Variants in ZC3H12B observed in about 807,000 individuals in gnomAD.
ZC3H12B encodes the protein zinc finger CCCH-type containing 12B.
ZC3H12B carries 7 observed loss-of-function variants against 43.9 expected under a neutral mutation model. The ratio of observed to expected loss-of-function variants is 0.16; its 90% CI spans 0.09 to 0.30. The LOEUF is 0.30. ZC3H12B is among the 10% of genes least tolerant of loss of function. ZC3H12B has a pLI of 1.00. For missense variants in ZC3H12B, 475 were observed against 670.2 expected, an observed-to-expected ratio of 0.71 and a Z score of 3.22; for synonymous variants, 222 against 241.7, an observed-to-expected ratio of 0.92 and a Z score of 0.76.
the ZC3H12B span, among the ~76,000 whole-genome samples, chrX:65,277,099 A>G: frequency 2.7e-5 from 3 of 112,091 alleles, no homozygotes; most frequent in African/African-American, 9.7e-5. Flanking sequence ...ATTTATGTCA[A>G]GAAGATTTAA....
the ZC3H12B span, among the ~76,000 whole-genome samples, chrX:65,164,586 T>G: frequency 3.6e-5 from 4 of 111,896 alleles, no homozygotes; most frequent in South Asian, 1.5e-3. Flanking sequence ...TGTTTCAAAG[T>G]TGAACAAATT....
At chrX:65,413,275 G>A (rs1202609753) in intron 3 of ZC3H12B, among the ~76,000 whole-genome samples, 1 of 111,522 alleles carries the variant, frequency 9.0e-6, no homozygotes, top group Non-Finnish European at 1.9e-5. Context: ...GATCATGTTC[G>A]TTAAAGTACA....
chrX:65,219,180 T>A, the ZC3H12B span, among the ~76,000 whole-genome samples: 5 of 111,696 alleles, frequency 4.5e-5, no homozygotes, highest in Non-Finnish European at 9.4e-5. Flanking sequence ...CAGTAGCACT[T>A]GAGCCCCAGA....
the ZC3H12B span, among the ~76,000 whole-genome samples, chrX:65,200,765 A>G: frequency 9.1e-6 from 1 of 109,855 alleles, no homozygotes; most frequent in African/African-American, 3.3e-5. Context: ...GCTGTGCAGA[A>G]GCTCTTTCAT....
At chrX:65,071,364 A>G in the ZC3H12B span, among the ~76,000 whole-genome samples, 1 of 101,505 alleles carries the variant, frequency 9.9e-6, no homozygotes, top group African/African-American at 3.7e-5. Flanking sequence ...TGTATGGAAG[A>G]TGGGTCTCTT....
the ZC3H12B span, among the ~76,000 whole-genome samples, chrX:65,131,503 A>C: frequency 7.2e-5 from 8 of 111,197 alleles, no homozygotes; most frequent in Non-Finnish European, 1.5e-4. Flanking sequence ...GGTTGGGATG[A>C]GTTAGGGAGA....
chrX:65,349,245 A>G, the ZC3H12B span, among the ~76,000 whole-genome samples: 2 of 112,210 alleles, frequency 1.8e-5, no homozygotes, highest in Non-Finnish European at 3.8e-5. Flanking sequence ...TGGAAACTGA[A>G]CAACCTGCTG....
At chrX:65,271,258 C>T in the ZC3H12B span, 2 of 112,044 alleles carry the variant, frequency 1.8e-5, no homozygotes, top group African/African-American at 6.5e-5. Flanking sequence ...TTCATCTAGC[C>T]ATCATCTCTG....
At chrX:65,084,443 A>T in the ZC3H12B span, among the ~76,000 whole-genome samples, 1 of 112,236 alleles carries the variant, frequency 8.9e-6, no homozygotes, top group African/African-American at 3.2e-5. Flanking sequence ...AAAAATGGGC[A>T]AAATATTTTA....
At chrX:65,331,847 C>G in the ZC3H12B span, among the ~76,000 whole-genome samples, 1 of 111,329 alleles carries the variant, frequency 9.0e-6, no homozygotes, top group Non-Finnish European at 1.9e-5. Context: ...TAAACTGTTA[C>G]AGCATTGGTG....
intron 3 of ZC3H12B, among the ~76,000 whole-genome samples, chrX:65,428,198 CCTTTCATTTCAACCTTGGAAA>C: frequency 8.9e-6 from 1 of 111,734 alleles, no homozygotes; most frequent in South Asian, 3.8e-4. Context: ...TAACAGTTTT[CCTTTCATTTCAACCTTGGAAA>C]ATCTGACAAT....
At chrX:65,354,647 G>A in the ZC3H12B span, among the ~76,000 whole-genome samples, 1 of 111,511 alleles carries the variant, frequency 9.0e-6, no homozygotes, top group African/African-American at 3.3e-5. Context: ...CAGAAGATGG[G>A]TAATAACAAA....
chrX:65,228,632 A>T, the ZC3H12B span, among the ~76,000 whole-genome samples: 9 of 111,599 alleles, frequency 8.1e-5, no homozygotes, highest in East Asian at 2.8e-4. Context: ...TATCTAGAAA[A>T]CCCGATTGTC....
chrX:65,198,518 C>G, the ZC3H12B span, among the ~76,000 whole-genome samples: 13 of 111,853 alleles, frequency 1.2e-4, no homozygotes, highest in African/African-American at 4.2e-4. Context: ...ATATACTATT[C>G]TGAGATAAAA....
upstream of ZC3H12B, chrX:65,488,590 A>G (rs746645110): frequency 2.9e-6 from 1 of 342,818 alleles, no homozygotes; most frequent in Non-Finnish European, 4.7e-6. Context: ...TCTGTATTCT[A>G]AAATGCTTTT....
the ZC3H12B span, among the ~76,000 whole-genome samples, chrX:65,332,753 G>C: frequency 9.0e-6 from 1 of 111,357 alleles, no homozygotes; most frequent in Non-Finnish European, 1.9e-5. Flanking sequence ...TTTGAAACCT[G>C]TTATTAGATA....
chrX:65,423,825 T>A (rs1008126185), intron 3 of ZC3H12B, among the ~76,000 whole-genome samples: 1 of 112,071 alleles, frequency 8.9e-6, no homozygotes, highest in Non-Finnish European at 1.9e-5. Flanking sequence ...TGATGATAGT[T>A]CCTTTGGTTG....
intron 3 of ZC3H12B, among the ~76,000 whole-genome samples, chrX:65,441,539 G>A (rs749193231): frequency 4.5e-5 from 5 of 111,736 alleles, no homozygotes; most frequent in Non-Finnish European, 7.5e-5. Flanking sequence ...CCCACATATG[G>A]CACAATCAGG....
At chrX:65,188,505 C>T in the ZC3H12B span, among the ~76,000 whole-genome samples, 2 of 110,075 alleles carry the variant, frequency 1.8e-5, no homozygotes, top group African/African-American at 6.6e-5. Context: ...GAATATAGGC[C>T]ATTTTAACTG....
Sources: gnomAD v4.1 joint callset for allele counts (sites outside exome capture counted in the v4.1 genomes callset) on GRCh38, gnomAD v4.1.1 for gene constraint, MANE v1.5 for transcripts, NCBI Gene and HGNC (gene_info 2026-07-23, HGNC 2026-07-21) for gene names.